Variants in OXR1 observed in about 807,000 individuals in gnomAD.
OXR1 encodes oxidation resistance protein 1.
OXR1 carries 41 observed loss-of-function variants against 104.6 expected under a neutral mutation model. The ratio of observed to expected loss-of-function variants is 0.39; its 90% confidence interval spans 0.31 to 0.51. OXR1 has a LOEUF of 0.51. OXR1 is among the 20% of genes least tolerant of loss of function. The pLI, the probability that OXR1 is intolerant of heterozygous loss-of-function variation, is 0.77. For synonymous variants in OXR1, 348 were observed against 348.4 expected (o/e 1.00, Z 0.01); for missense variants, 955 against 1,031.9 (o/e 0.93, Z 1.02).
At chr8:106,693,420 G>T (rs977098787) in intron 7 of OXR1, among the ~76,000 whole-genome samples, 4 of 135,032 alleles carry the variant, frequency 3.0e-5, no homozygotes, top group Non-Finnish European at 4.7e-5. Context: ...AACCTAGTCA[G>T]AATCTTTTTT....
Position 106,353,263 on chromosome 8 carries a change from C to T in OXR1, c.-138-6213C>T, listed in dbSNP as rs749057743. Reference sequence around the variant, plus strand: ...TACTGGGGAGGTGAGGCAGGTGAATCGCTTGAACCCAGGAGGTGGAGGTTG... The same window carrying T: ...TACTGGGGAGGTGAGGCAGGTGAATTGCTTGAACCCAGGAGGTGGAGGTTG... On this transcript the variant is annotated intron_variant, in intron 1 of 16. Transcript: ENST00000517566. Among the ~76,000 whole-genome samples, 314 of 152,144 alleles carry T rather than the reference C, an allele frequency of 2.1e-3. 1 individual carries two copies. The highest frequency in any genetic ancestry group is 3.7e-3 in the Non-Finnish European group (252 of 67,984).
chr8:106,543,970 G>A (rs940825930), intron 3 of OXR1, among the ~76,000 whole-genome samples: 1 of 152,174 alleles, frequency 6.6e-6, no homozygotes, highest in African/African-American at 2.4e-5. Flanking sequence ...TTTGGAAAAT[G>A]TGGTTTTCAA....
At chr8:106,298,134 A>G (rs1347853505) in intron 1 of OXR1, among the ~76,000 whole-genome samples, 1 of 152,182 alleles carries the variant, frequency 6.6e-6, no homozygotes, top group African/African-American at 2.4e-5. Flanking sequence ...ATGCATAACA[A>G]GTAGGGATGG....
At chr8:106,658,155 C>T (rs981502557) in intron 3 of OXR1, 7 of 1,244,238 alleles carry the variant, frequency 5.6e-6, no homozygotes, top group Non-Finnish European at 6.1e-6. Context: ...GCCCCACCGG[C>T]CCCCGGCGCC....
At chr8:106,310,178 T>G (rs1159373874) in intron 1 of OXR1, among the ~76,000 whole-genome samples, 1 of 152,062 alleles carries the variant, frequency 6.6e-6, no homozygotes, top group African/African-American at 2.4e-5. Flanking sequence ...TTACATTTCT[T>G]TAACAATATT....
At chr8:106,365,301 T>C (rs1162546599) in intron 2 of OXR1, among the ~76,000 whole-genome samples, 1 of 151,604 alleles carries the variant, frequency 6.6e-6, no homozygotes, top group Non-Finnish European at 1.5e-5. Flanking sequence ...GAGAAGAGAG[T>C]GGGTTTGAGA....
chr8:106,658,759 T>C (rs1825439984), intron 3 of OXR1, among the ~76,000 whole-genome samples: 1 of 152,140 alleles, frequency 6.6e-6, no homozygotes. Flanking sequence ...TGGCAGAACC[T>C]AGAAACTTTC....
At chr8:106,389,724 T>A (rs1284012559) in intron 2 of OXR1, among the ~76,000 whole-genome samples, 1 of 152,092 alleles carries the variant, frequency 6.6e-6, no homozygotes, top group African/African-American at 2.4e-5. Context: ...AAAGACAAAT[T>A]TTTGGGGGTA....
chr8:106,301,408 G>T (rs776862216), intron 1 of OXR1, among the ~76,000 whole-genome samples: 1 of 152,086 alleles, frequency 6.6e-6, no homozygotes. Flanking sequence ...CAGTCAGTAG[G>T]AAAATAAAAA....
At chr8:106,578,818 T>G (rs1412975503) in intron 3 of OXR1, among the ~76,000 whole-genome samples, 1 of 152,166 alleles carries the variant, frequency 6.6e-6, no homozygotes, top group African/African-American at 2.4e-5. Context: ...GGTTATATAT[T>G]CATCAGCTCA....
chr8:106,458,877 C>T (rs964891347), intron 2 of OXR1, among the ~76,000 whole-genome samples: 1 of 152,098 alleles, frequency 6.6e-6, no homozygotes, highest in South Asian at 2.1e-4. Context: ...AATACCTGTC[C>T]TACCATTGTT....
At chr8:106,286,062 T>C (rs1371107275) in intron 1 of OXR1, among the ~76,000 whole-genome samples, 1 of 152,154 alleles carries the variant, frequency 6.6e-6, no homozygotes, top group African/African-American at 2.4e-5. Flanking sequence ...TGCTCAAGGA[T>C]AGATTCATGG....
chr8:106,708,538 A>G (rs183201869), intron 9 of OXR1, among the ~76,000 whole-genome samples: 2 of 152,290 alleles, frequency 1.3e-5, no homozygotes, highest in East Asian at 1.9e-4. Context: ...ATATTTATCC[A>G]TTGATGTTTG....
At chr8:106,628,916 G>T (rs750084774) in intron 3 of OXR1, among the ~76,000 whole-genome samples, 1 of 152,094 alleles carries the variant, frequency 6.6e-6, no homozygotes, top group Non-Finnish European at 1.5e-5. Context: ...AAAGTATGTG[G>T]GCTCTCTCTT....
At chr8:106,691,185 TA>T (rs1009375120) in intron 6 of OXR1, among the ~76,000 whole-genome samples, 10 of 152,140 alleles carry the variant, frequency 6.6e-5, no homozygotes, top group Middle Eastern at 3.4e-3. Flanking sequence ...GCTAGATAGA[TA>T]GATATAGATG....
In OXR1 at chr8:106,292,095, C is replaced by T. The variant is rs369604044; in HGVS notation, c.-139+21728C>T. Among the ~76,000 whole-genome samples the T allele has an allele frequency of 4.6e-5, 7 of 152,236 alleles. No homozygotes were observed. In the East Asian group the frequency reaches 5.8e-4, roughly 13 times the overall value. On this transcript the variant is annotated intron_variant, in intron 1 of 16. Coordinates refer to ENST00000517566, the MANE Select transcript of OXR1 (RefSeq NM_001198533.2). ...GGGTGTGAATCATCCTTTTGTTCAG[C>T]GTATCCATGCTATAGATCCTACCCA... is the stretch of plus-strand genomic sequence containing the variant.
At chr8:106,660,784 G>A (rs556912104) in intron 3 of OXR1, among the ~76,000 whole-genome samples, 27 of 152,116 alleles carry the variant, frequency 1.8e-4, no homozygotes, top group Non-Finnish European at 2.5e-4. Flanking sequence ...AGGCCGAGAC[G>A]GGCGGATCAC....
intron 3 of OXR1, among the ~76,000 whole-genome samples, chr8:106,664,635 G>A (rs10099361): frequency 0.12 from 18,626 of 152,196 alleles, 1,434 homozygotes; most frequent in East Asian, 0.33. Flanking sequence ...GCATACTTGC[G>A]TAATTGTTTT....
At chr8:106,526,038 C>G (rs1371502600) in intron 3 of OXR1, among the ~76,000 whole-genome samples, 1 of 152,096 alleles carries the variant, frequency 6.6e-6, no homozygotes, top group African/African-American at 2.4e-5. Flanking sequence ...TGCTTATATT[C>G]TAGTTGGGAA....
Sources: allele counts gnomAD v4.1 joint callset (sites outside exome capture counted in the v4.1 genomes callset), GRCh38; gene constraint gnomAD v4.1.1; transcripts MANE v1.5; gene names NCBI Gene and HGNC (gene_info 2026-07-23, HGNC 2026-07-21).